Variants in KIAA0586 observed in about 807,000 individuals in gnomAD.
KIAA0586 encodes protein TALPID3.
A neutral mutation model predicts 169.8 loss-of-function variants in KIAA0586; 144 were observed. The ratio of observed to expected loss-of-function variants is 0.85; its 90% CI spans 0.74 to 0.97. The LOEUF is 0.97. Among genes scored for constraint, KIAA0586 ranks in the 50% least tolerant of loss-of-function variants. The probability of loss-of-function intolerance (pLI) is 0.00; values close to 1 mark genes in which losing one functional copy is unlikely to be tolerated. For synonymous variants in KIAA0586, 625 were observed against 612.4 expected (o/e 1.02, Z -0.30); for missense variants, 1,854 against 1,823.0 (o/e 1.02, Z -0.31).
intron 28 of KIAA0586, 91 bp downstream of exon 28, chr14:58,508,800 G>A (rs2044182358): frequency 1.1e-6 from 1 of 927,456 alleles, no homozygotes. Context: ...CCAAGCCTCT[G>A]GAGTCAGATA....
chr14:58,434,931 G>T (rs1452623866), intron 4 of KIAA0586, among the ~76,000 whole-genome samples: 1 of 151,544 alleles, frequency 6.6e-6, no homozygotes, highest in Non-Finnish European at 1.5e-5. Context: ...TGGGACTACA[G>T]GCATGTGCCA....
At chr14:58,551,438 A>G (rs2047199344), downstream of KIAA0586, 2 of 152,134 alleles carry the variant, frequency 1.3e-5, no homozygotes, top group African/African-American at 4.8e-5. Context: ...TTTTAAGTTC[A>G]TAGTGTATTA....
At chr14:58,447,494 T>C (rs181652645) in intron 6 of KIAA0586, among the ~76,000 whole-genome samples, 1 of 151,850 alleles carries the variant, frequency 6.6e-6, no homozygotes, top group East Asian at 1.9e-4. Flanking sequence ...TTTTATTTTG[T>C]TTTTGAGATA....
chr14:58,494,367 T>C (rs991736702), intron 26 of KIAA0586, among the ~76,000 whole-genome samples: 2 of 151,546 alleles, frequency 1.3e-5, no homozygotes, highest in African/African-American at 4.8e-5. Flanking sequence ...TCTTTTCTTA[T>C]CGCCTACTCT....
At chr14:58,526,300 A>G (rs2045580057) in intron 29 of KIAA0586, among the ~76,000 whole-genome samples, 1 of 152,142 alleles carries the variant, frequency 6.6e-6, no homozygotes. Context: ...GACACCTCAT[A>G]CAGGAGATCT....
chr14:58,535,510 A>G (rs558662174), intron 29 of KIAA0586, among the ~76,000 whole-genome samples: 43 of 152,338 alleles, frequency 2.8e-4, no homozygotes, highest in African/African-American at 1.0e-3. Flanking sequence ...TGAATTAACT[A>G]TCAACTTCTT....
At chr14:58,489,783 G>A (rs2042717511) in intron 24 of KIAA0586, among the ~76,000 whole-genome samples, 1 of 144,662 alleles carries the variant, frequency 6.9e-6, no homozygotes, top group Non-Finnish European at 1.5e-5. Flanking sequence ...CTTTAAAGAT[G>A]CATCACCAAC....
Position 58,456,742 on chromosome 14 carries a change from A to G in KIAA0586, c.1294A>G (p.Met432Val), listed in dbSNP as rs765826282. ...AGAGCTAGAAACAACTAAAGTGACT[A>G]TGCAGAAGTCTGATGATGTTCTTCA... Reference protein sequence around the residue: ...CEELETTKVTMQKSDDVLHDL... With the variant: ...CEELETTKVTVQKSDDVLHDL... Residue 432 changes from methionine (M) to valine (V), a missense_variant, in exon 10 of 31, where the codon ATG (methionine) becomes GTG (valine). Coordinates refer to ENST00000652326, the MANE Select transcript of KIAA0586 (RefSeq NM_001329943.3). 7.5e-6 allele frequency: 12 copies of G among 1,606,402 alleles called. No homozygotes were observed. Among genetic ancestry groups the G allele is most frequent in the Admixed American group, 3.4e-5 (2 of 59,234 alleles).
chr14:58,455,187 A>G (rs1375514516), intron 9 of KIAA0586, among the ~76,000 whole-genome samples: 1 of 152,184 alleles, frequency 6.6e-6, no homozygotes, highest in Non-Finnish European at 1.5e-5. Context: ...GTCTTTTAAA[A>G]AAATGTTTTC....
intron 29 of KIAA0586, among the ~76,000 whole-genome samples, chr14:58,524,391 A>G (rs1343395664): frequency 1.3e-5 from 2 of 152,236 alleles, no homozygotes; most frequent in Admixed American, 1.3e-4. Flanking sequence ...ACTTTAACAG[A>G]CATAGAATTC....
Position 58,532,908 on chromosome 14 carries a change from G to GTTATTGCTAAATGTATTCAGTTATTGC in KIAA0586, c.4430-7162_4430-7161insTATTGCTAAATGTATTCAGTTATTGCT, listed in dbSNP as rs572321649. ...AATATATACCCACAAAAGTCTTTCA[G>GTTATTGCTAAATGTATTCAGTTATTGC]TAAAATGTTATTGCTAAAATGTATC... On this transcript the variant is annotated intron_variant, in intron 29 of 30. Coordinates refer to ENST00000652326, the MANE Select transcript of KIAA0586 (RefSeq NM_001329943.3). 4.0e-4 allele frequency among the ~76,000 whole-genome samples: 61 copies of GTTATTGCTAAATGTATTCAGTTATTGC among 152,306 alleles called. 1 individual carries two copies. In the South Asian group the frequency reaches 0.012, roughly 31 times the overall value.
chr14:58,444,419 A>T (rs1041045875), intron 6 of KIAA0586, among the ~76,000 whole-genome samples: 2 of 151,888 alleles, frequency 1.3e-5, no homozygotes, highest in African/African-American at 4.8e-5. Flanking sequence ...TTTTGTTCAT[A>T]TCATTTTTAT....
intron 21 of KIAA0586, among the ~76,000 whole-genome samples, chr14:58,484,878 T>TTATATATATTTTTA (rs1555391440): frequency 2.0e-5 from 1 of 51,002 alleles, no homozygotes; most frequent in African/African-American, 7.9e-5. Flanking sequence ...TTTATATATA[T>TTATATATATTTTTA]TATATATATA....
chr14:58,492,271 C>T lies in KIAA0586; in HGVS notation c.3986C>T (p.Ser1329Leu). ...GTTTCCCAGCAAGCAGTCTATCATT[C>T]AGAGGTACTTTTTAACTTTAATGAC... ...SAVSQQAVYH[S>L]EDLENSVGEL... Residue 1329 changes from serine (S) to leucine (L), a missense_variant, in exon 26 of 31, where the codon TCA becomes TTA. Ser to Leu is a moderately radical substitution (Grantham distance 145, BLOSUM62 -2). Coordinates refer to ENST00000652326, the MANE Select transcript of KIAA0586 (RefSeq NM_001329943.3). 6.5e-7 allele frequency: 1 copy of T among 1,540,550 alleles called. No individual in the cohort carries two copies. Among genetic ancestry groups the T allele is most frequent in the South Asian group, 1.2e-5 (1 of 80,982 alleles).
intron 8 of KIAA0586, among the ~76,000 whole-genome samples, chr14:58,452,964 C>T (rs1482908378): frequency 1.3e-5 from 2 of 151,236 alleles, no homozygotes; most frequent in Non-Finnish European, 2.9e-5. Context: ...GTCGCCCAGG[C>T]TGGAGTGCGA....
chr14:58,463,125 A>G lies in KIAA0586; in HGVS notation c.2059+1965A>G, dbSNP rs903206919. 4.0e-4 allele frequency among the ~76,000 whole-genome samples: 3 copies of G among 7,518 alleles called. No individual in the cohort carries two copies. The Non-Finnish European group carries it at 4.4e-3, about 11-fold the overall frequency. 4.9% of individuals were successfully genotyped at this position (7,518 alleles called of 152,430 possible). A position where few individuals can be genotyped will look rare whatever the true frequency, so the allele number is the denominator to read the frequency against. On this transcript the variant is annotated intron_variant, in intron 14 of 30. Coordinates refer to ENST00000652326, the MANE Select transcript of KIAA0586 (RefSeq NM_001329943.3). The stretch of plus-strand genomic sequence containing the variant: ...GAGAGCTCTTCGTTCAGACACTTGC[A>G]TGGTTCTCTCTCTCAATTCTTCCGT...
Position 58,442,690 on chromosome 14 carries a change from G to GC in KIAA0586, c.411-15dup. On this transcript the variant is annotated splice_polypyrimidine_tract_variant and intron_variant, in intron 4 of 30. Transcript: ENST00000652326. ...GTAGTTTACTGAATACATTTTTATT[G>GC]CTTTTTTATTTATAGAGCTCAAAGC... 1 of 1,508,464 alleles carries GC rather than the reference G, an allele frequency of 6.6e-7. No homozygotes were observed. The highest frequency in any genetic ancestry group is 8.9e-7 in the Non-Finnish European group (1 of 1,118,976). 93.4% of individuals were successfully genotyped at this position (1,508,464 alleles called of 1,614,324 possible). A position where few individuals can be genotyped will look rare whatever the true frequency, so the allele number is the denominator to read the frequency against.
Position 58,461,028 on chromosome 14 carries a change from A to G in KIAA0586, c.1927A>G (p.Met643Val). Residue 643 changes from methionine to valine, a missense_variant, in exon 14 of 31, where the codon ATG becomes GTG. Coordinates refer to ENST00000652326, the MANE Select transcript of KIAA0586 (RefSeq NM_001329943.3). Reference protein sequence around the residue: ...ATTVIQDEDYMLQVYGKPVYQ... With the variant: ...ATTVIQDEDYVLQVYGKPVYQ... The stretch of plus-strand genomic sequence containing the variant: ...CACAGTAATACAAGATGAAGATTAT[A>G]TGTTACAAGTCTATGGAAAGCCAGT... 3 of 1,611,172 alleles carry G rather than the reference A, an allele frequency of 1.9e-6. No homozygotes were observed. The highest frequency in any genetic ancestry group is 8.5e-7 in the Non-Finnish European group (1 of 1,178,984).
intron 9 of KIAA0586, among the ~76,000 whole-genome samples, chr14:58,455,484 G>A (rs189298606): frequency 6.6e-6 from 1 of 152,152 alleles, no homozygotes; most frequent in Non-Finnish European, 1.5e-5. Flanking sequence ...AGAGTTTATT[G>A]TTGCTAGTTA....
Sources: allele counts gnomAD v4.1 joint callset (sites outside exome capture counted in the v4.1 genomes callset), GRCh38; gene constraint gnomAD v4.1.1; transcripts MANE v1.5; gene names NCBI Gene and HGNC (gene_info 2026-07-23, HGNC 2026-07-21).